PRR5L: variants seen among roughly 807,000 people sequenced by gnomAD.
PRR5L encodes the protein proline-rich protein 5-like.
A neutral mutation model predicts 36.4 loss-of-function variants in PRR5L; 21 were observed. The observed-to-expected ratio is 0.58, with a 90% CI of 0.41 to 0.83. The LOEUF (loss-of-function observed/expected upper bound fraction) is 0.83. Ranked by LOEUF, PRR5L falls within the 40% of genes least tolerant of loss-of-function variation. The pLI, the probability that PRR5L is intolerant of heterozygous loss-of-function variation, is 0.00. For synonymous variants in PRR5L, 188 were observed against 197.0 expected, an observed-to-expected ratio of 0.95 and a Z score of 0.38; for missense variants, 381 against 473.3, an observed-to-expected ratio of 0.80 and a Z score of 1.81.
At chr11:36,455,960 C>T (rs978722904) in intron 8 of PRR5L, among the ~76,000 whole-genome samples, 3 of 152,214 alleles carry the variant, frequency 2.0e-5, no homozygotes, top group African/African-American at 7.2e-5. Context: ...TGAAAACATT[C>T]CACCCAGAAA....
At chr11:36,449,250 T>C (rs982474649) in intron 7 of PRR5L, among the ~76,000 whole-genome samples, 1 of 152,222 alleles carries the variant, frequency 6.6e-6, no homozygotes, top group Non-Finnish European at 1.5e-5. Context: ...CCATATCTGC[T>C]ACAGGAAATT....
At chr11:36,411,252 G>A (rs970534558) in intron 3 of PRR5L, among the ~76,000 whole-genome samples, 14 of 152,202 alleles carry the variant, frequency 9.2e-5, no homozygotes, top group South Asian at 4.1e-4. Flanking sequence ...CTGTCCCTGC[G>A]CCTCTCCACC....
chr11:36,403,478 T>C (rs1224356372), intron 3 of PRR5L, 100 bp downstream of exon 3: 1 of 823,038 alleles, frequency 1.2e-6, no homozygotes, highest in Non-Finnish European at 1.9e-6. Context: ...TTTTTTTTTT[T>C]TCCTGCTTGA....
intron 1 of PRR5L, among the ~76,000 whole-genome samples, chr11:36,388,827 T>C (rs1565435969): frequency 6.6e-6 from 1 of 151,182 alleles, no homozygotes; most frequent in Non-Finnish European, 1.5e-5. Context: ...GCCTCCGGAG[T>C]AGCTGGGACT....
chr11:36,456,555 C>T (rs1167489820), intron 8 of PRR5L, among the ~76,000 whole-genome samples: 4 of 152,244 alleles, frequency 2.6e-5, no homozygotes, highest in Admixed American at 1.3e-4. Context: ...TGACATTTGC[C>T]ACACTGACCT....
chr11:36,338,104 A>T (rs149970708), intron 1 of PRR5L, among the ~76,000 whole-genome samples: 1 of 152,326 alleles, frequency 6.6e-6, no homozygotes, highest in Non-Finnish European at 1.5e-5. Flanking sequence ...AAGGCTGATA[A>T]ATACAGTCTA....
At chr11:36,449,760 C>T (rs558205437) in intron 7 of PRR5L, among the ~76,000 whole-genome samples, 1 of 152,360 alleles carries the variant, frequency 6.6e-6, no homozygotes, top group Non-Finnish European at 1.5e-5. Flanking sequence ...AGCTGTTTGG[C>T]AGCCAAGCCA....
At chr11:36,458,645 G>A (rs1859114866) in intron 8 of PRR5L, among the ~76,000 whole-genome samples, 1 of 152,198 alleles carries the variant, frequency 6.6e-6, no homozygotes, top group Non-Finnish European at 1.5e-5. Context: ...GTCTTGCTGT[G>A]ATCTCCTTCC....
At chr11:36,320,403 G>A (rs964960706) in intron 1 of PRR5L, among the ~76,000 whole-genome samples, 4 of 55,822 alleles carry the variant, frequency 7.2e-5, no homozygotes, top group Admixed American at 2.8e-4. Flanking sequence ...GCCGCCACAC[G>A]CAGCTAATTT....
Position 36,431,217 on chromosome 11 carries a change from A to G in PRR5L, c.295-636A>G, listed in dbSNP as rs148110538. On this transcript the variant is annotated intron_variant, in intron 4 of 8. Coordinates refer to ENST00000530639, the MANE Select transcript of PRR5L (RefSeq NM_001160167.2). ...GCCTTGAGCAGTCTCTTCACTAACCATCAGTAAAGTGAGGACAGTAGCACC... is the reference window on the plus strand; with the variant it reads ...GCCTTGAGCAGTCTCTTCACTAACCGTCAGTAAAGTGAGGACAGTAGCACC... 2.0e-3 allele frequency among the ~76,000 whole-genome samples: 305 copies of G among 152,334 alleles called. 1 individual carries two copies. Among genetic ancestry groups the G allele is most frequent in the African/African-American group, 7.1e-3 (295 of 41,570 alleles).
At chr11:36,451,579 G>A (rs770359170) in intron 8 of PRR5L, among the ~76,000 whole-genome samples, 4 of 152,156 alleles carry the variant, frequency 2.6e-5, no homozygotes, top group African/African-American at 7.2e-5. Context: ...GTGCCTTTGC[G>A]GTGGTGCTTG....
chr11:36,447,505 C>A (rs1295751564), intron 7 of PRR5L, among the ~76,000 whole-genome samples: 4 of 152,154 alleles, frequency 2.6e-5, no homozygotes, highest in Admixed American at 1.3e-4. Context: ...GCTAGGGACA[C>A]CCCCAAGAGG....
intron 7 of PRR5L, among the ~76,000 whole-genome samples, chr11:36,447,749 T>G (rs1858861975): frequency 6.6e-6 from 1 of 152,122 alleles, no homozygotes; most frequent in South Asian, 2.1e-4. Flanking sequence ...ATTCTCCCCC[T>G]TTCCTGTAAT....
chr11:36,403,178 T>C lies in PRR5L; in HGVS notation c.165-120T>C, dbSNP rs544376908. ...GAGGAAATGGAGGATGGATGGAGAG[T>C]GTGGCCAGGTTTGTGCTATGAGCTT... On this transcript the variant is annotated intron_variant, in intron 2 of 8. Coordinates refer to ENST00000530639, the MANE Select transcript of PRR5L (RefSeq NM_001160167.2). 1.8e-5 allele frequency: 13 copies of C among 707,916 alleles called. No homozygotes were observed. The African/African-American group carries it at 2.2e-4, about 12-fold the overall frequency. The allele number at this position is 707,916 out of a possible 1,614,324, so 43.9% of individuals were successfully genotyped here.
At chr11:36,317,194 G>T (rs758775596) in intron 1 of PRR5L, among the ~76,000 whole-genome samples, 4 of 152,218 alleles carry the variant, frequency 2.6e-5, no homozygotes, top group South Asian at 2.1e-4. Flanking sequence ...CGCCTTTACA[G>T]GGCTTGTCTG....
chr11:36,422,881 T>C (rs1286910854), intron 4 of PRR5L, among the ~76,000 whole-genome samples: 1 of 152,184 alleles, frequency 6.6e-6, no homozygotes, highest in Non-Finnish European at 1.5e-5. Context: ...AAACACTATA[T>C]ACTAGTAACA....
chr11:36,400,366 A>T (rs1449532330), intron 1 of PRR5L, among the ~76,000 whole-genome samples: 1 of 152,162 alleles, frequency 6.6e-6, no homozygotes, highest in African/African-American at 2.4e-5. Flanking sequence ...TATCTTCTCC[A>T]TAGGCTGAGT....
intron 4 of PRR5L, among the ~76,000 whole-genome samples, chr11:36,425,107 C>A (rs184794966): frequency 1.1e-3 from 169 of 152,298 alleles, no homozygotes; most frequent in African/African-American, 3.6e-3. Flanking sequence ...CAGGTGTGAG[C>A]CACCGCCCCC....
chr11:36,328,161 C>T (rs1323114672), intron 1 of PRR5L, among the ~76,000 whole-genome samples: 1 of 152,046 alleles, frequency 6.6e-6, no homozygotes, highest in African/African-American at 2.4e-5. Flanking sequence ...AATTTGGGGT[C>T]TTATACTATC....
Sources: gnomAD v4.1 joint callset for allele counts (sites outside exome capture counted in the v4.1 genomes callset) on GRCh38, gnomAD v4.1.1 for gene constraint, MANE v1.5 for transcripts, NCBI Gene and HGNC (gene_info 2026-07-23, HGNC 2026-07-21) for gene names.